CHCHD6: variants seen among roughly 807,000 people sequenced by gnomAD.
CHCHD6 encodes MICOS complex subunit MIC25.
In CHCHD6, 28 loss-of-function variants were observed where a neutral mutation model predicts 32.3. That is an observed-to-expected ratio of 0.87 (90% CI 0.64 to 1.19). The LOEUF is 1.19. CHCHD6 is among the 50% of genes most tolerant of loss of function. CHCHD6 has a pLI of 0.00. For synonymous variants in CHCHD6, 122 were observed against 117.5 expected (o/e 1.04, Z -0.25); for missense variants, 333 against 307.0 (o/e 1.08, Z -0.63).
At chr3:126,898,123 C>T (rs1235657496) in intron 5 of CHCHD6, among the ~76,000 whole-genome samples, 1 of 152,220 alleles carries the variant, frequency 6.6e-6, no homozygotes, top group Non-Finnish European at 1.5e-5. Context: ...CCTTCAGGTC[C>T]GCAGGACCCA....
chr3:126,804,856 T>G (rs1478068425), intron 4 of CHCHD6, among the ~76,000 whole-genome samples: 1 of 152,076 alleles, frequency 6.6e-6, no homozygotes, highest in Non-Finnish European at 1.5e-5. Flanking sequence ...TCCACCGTGA[T>G]CAAGTGGGCT....
chr3:126,882,850 G>A (rs940548072), intron 5 of CHCHD6, among the ~76,000 whole-genome samples: 2 of 152,154 alleles, frequency 1.3e-5, no homozygotes, highest in Non-Finnish European at 2.9e-5. Flanking sequence ...GAAATCCTTA[G>A]GATCTCCAAA....
rs1217362247 is a variant in CHCHD6, at chr3:126,868,437, C to CT, written c.495+15717dup. Among the ~76,000 whole-genome samples, 143 of 147,398 alleles carry CT rather than the reference C, an allele frequency of 9.7e-4. No homozygotes were observed. In the South Asian group the frequency reaches 0.013, roughly 13 times the overall value. ...CTTACCCAGCCATGGGGCAGCATTG[C>CT]TTTTTTTTTTAAAAAAAAAAAATTG... is the stretch of plus-strand genomic sequence containing the variant. On this transcript the variant is annotated intron_variant, in intron 5 of 7. Coordinates refer to ENST00000290913, the MANE Select transcript of CHCHD6 (RefSeq NM_032343.3).
At chr3:126,759,539 C>G (rs183383191) in intron 4 of CHCHD6, among the ~76,000 whole-genome samples, 2 of 152,196 alleles carry the variant, frequency 1.3e-5, no homozygotes, top group East Asian at 3.9e-4. Context: ...CTTATTTAGT[C>G]TTTTATGACA....
chr3:126,854,666 C>CT lies in CHCHD6; in HGVS notation c.495+1938dup, dbSNP rs1941595962. 2.0e-5 allele frequency among the ~76,000 whole-genome samples: 3 copies of CT among 152,170 alleles called. No individual in the cohort carries two copies. The South Asian group carries it at 6.2e-4, about 32-fold the overall frequency. On this transcript the variant is annotated intron_variant, in intron 5 of 7. Transcript: ENST00000290913. ...AGCTTCTGTACACACGGCTCCAGGA[C>CT]TTCCCAATCATCACATCCCTTTCCT...
At chr3:126,886,839 A>G (rs1276795919) in intron 5 of CHCHD6, among the ~76,000 whole-genome samples, 1 of 152,096 alleles carries the variant, frequency 6.6e-6, no homozygotes, top group African/African-American at 2.4e-5. Flanking sequence ...CCCCTGTCAG[A>G]TGGGATTCAG....
At chr3:126,778,260 T>C (rs1213513478) in intron 4 of CHCHD6, among the ~76,000 whole-genome samples, 1 of 152,228 alleles carries the variant, frequency 6.6e-6, no homozygotes, top group Admixed American at 6.5e-5. Context: ...TGTGGATATG[T>C]TTTTATTCCT....
intron 5 of CHCHD6, among the ~76,000 whole-genome samples, chr3:126,884,997 A>G (rs2077660245): frequency 6.6e-6 from 1 of 152,152 alleles, no homozygotes; most frequent in Admixed American, 6.5e-5. Context: ...TCCACTGAGG[A>G]GTAGAAGAGT....
At chr3:126,915,534 A>G (rs1359367549) in intron 6 of CHCHD6, among the ~76,000 whole-genome samples, 2 of 152,172 alleles carry the variant, frequency 1.3e-5, no homozygotes, top group African/African-American at 2.4e-5. Flanking sequence ...AGGGGCTACC[A>G]CCAACTCCAT....
chr3:126,916,834 G>A (rs2078178667), intron 6 of CHCHD6, among the ~76,000 whole-genome samples: 2 of 152,250 alleles, frequency 1.3e-5, no homozygotes, highest in Admixed American at 6.5e-5. Context: ...CCGGAGGTGG[G>A]CCAGGCCACA....
chr3:126,956,600 C>CGAGAGAGAGAGAGA (rs58750065), intron 6 of CHCHD6, among the ~76,000 whole-genome samples: 28 of 149,766 alleles, frequency 1.9e-4, no homozygotes, highest in African/African-American at 6.9e-4. Flanking sequence ...AGTGTGCGCA[C>CGAGAGAGAGAGAGA]GAGAGAGAGA....
At chr3:126,922,769 G>A (rs1457987817) in intron 6 of CHCHD6, among the ~76,000 whole-genome samples, 3 of 152,166 alleles carry the variant, frequency 2.0e-5, no homozygotes, top group African/African-American at 7.2e-5. Context: ...GGCATCTTAT[G>A]CAGGCATTTA....
At chr3:126,911,371 T>A (rs2078088191) in intron 5 of CHCHD6, among the ~76,000 whole-genome samples, 1 of 152,170 alleles carries the variant, frequency 6.6e-6, no homozygotes, top group Admixed American at 6.5e-5. Flanking sequence ...TCCCAGGAGA[T>A]GGAGTCTGGG....
At chr3:126,857,485 G>A (rs1408360165) in intron 5 of CHCHD6, among the ~76,000 whole-genome samples, 3 of 152,044 alleles carry the variant, frequency 2.0e-5, no homozygotes, top group Admixed American at 6.6e-5. Flanking sequence ...CCCTGCTGCC[G>A]ATCGAACTTT....
At chr3:126,721,549 G>C (rs1256040229) in intron 1 of CHCHD6, among the ~76,000 whole-genome samples, 1 of 152,064 alleles carries the variant, frequency 6.6e-6, no homozygotes, top group East Asian at 1.9e-4. Context: ...TTTGTTTTTG[G>C]TGTTCTCTCC....
At chr3:126,900,761 C>T (rs921117570) in intron 5 of CHCHD6, among the ~76,000 whole-genome samples, 10 of 152,116 alleles carry the variant, frequency 6.6e-5, no homozygotes, top group African/African-American at 1.9e-4. Context: ...TGTGCCACCA[C>T]GCCTGGCTGA....
At chr3:126,911,069 A>C (rs1328156843) in intron 5 of CHCHD6, among the ~76,000 whole-genome samples, 1 of 152,190 alleles carries the variant, frequency 6.6e-6, no homozygotes, top group East Asian at 1.9e-4. Context: ...AGTGTAAATA[A>C]AAAAAACTCA....
chr3:126,906,059 A>G (rs1410207709), intron 5 of CHCHD6, among the ~76,000 whole-genome samples: 4 of 152,180 alleles, frequency 2.6e-5, no homozygotes, highest in African/African-American at 4.8e-5. Context: ...TGCTGCACAG[A>G]CACCATCAGA....
At chr3:126,925,610 A>G (rs1425663488) in intron 6 of CHCHD6, among the ~76,000 whole-genome samples, 1 of 152,056 alleles carries the variant, frequency 6.6e-6, no homozygotes, top group Non-Finnish European at 1.5e-5. Context: ...CTGCCACAGC[A>G]TCAGTGTTCT....
Sources: gnomAD v4.1 joint callset for allele counts (sites outside exome capture counted in the v4.1 genomes callset) on GRCh38, gnomAD v4.1.1 for gene constraint, MANE v1.5 for transcripts, NCBI Gene and HGNC (gene_info 2026-07-23, HGNC 2026-07-21) for gene names.